GARIN5B: variants seen among roughly 807,000 people sequenced by gnomAD.
The protein encoded by GARIN5B is golgi associated RAB2 interactor family member 5B.
the GARIN5B span, among the ~76,000 whole-genome samples, chr19:55,357,243 C>T: frequency 6.6e-6 from 1 of 152,140 alleles, no homozygotes; most frequent in African/African-American, 2.4e-5. Flanking sequence ...CTCTTGCCCC[C>T]CTACATCCTC....
chr19:55,360,697 G>C, the GARIN5B span: 1 of 1,551,468 alleles, frequency 6.4e-7, no homozygotes, highest in Non-Finnish European at 8.7e-7. Context: ...GCTGGCCTTT[G>C]GAGAGGACTG....
At chr19:55,358,111 C>G in the GARIN5B span, 2 of 1,424,550 alleles carry the variant, frequency 1.4e-6, no homozygotes, top group Non-Finnish European at 1.8e-6. Flanking sequence ...AACAGCAGAG[C>G]TCACAGTAAA....
At chr19:55,357,507 A>G in the GARIN5B span, among the ~76,000 whole-genome samples, 2 of 152,158 alleles carry the variant, frequency 1.3e-5, no homozygotes, top group African/African-American at 4.8e-5. Flanking sequence ...CTTTCCCCCC[A>G]GATGTCCTCA....
At chr19:55,362,083 C>A in the GARIN5B span, among the ~76,000 whole-genome samples, 1 of 151,288 alleles carries the variant, frequency 6.6e-6, no homozygotes, top group Admixed American at 6.6e-5. Flanking sequence ...CCCAGCATCT[C>A]CTCCCTCGAC....
At chr19:55,359,467 A>C in the GARIN5B span, 97,586 of 1,547,406 alleles carry the variant, frequency 0.063, 3,562 homozygotes, top group Middle Eastern at 0.12. Context: ...TCTGGGATGG[A>C]GCAGGTACGG....
the GARIN5B span, chr19:55,359,343 C>T: frequency 2.6e-6 from 4 of 1,549,800 alleles, no homozygotes; most frequent in Non-Finnish European, 3.5e-6. Flanking sequence ...ACAGATGGGG[C>T]CTTCTGAGAT....
the GARIN5B span, among the ~76,000 whole-genome samples, chr19:55,360,140 T>C: frequency 1.2e-5 from 1 of 85,356 alleles, no homozygotes; most frequent in African/African-American, 4.7e-5. Flanking sequence ...CCCTCCTCCC[T>C]CAGACCCAGG....
the GARIN5B span, among the ~76,000 whole-genome samples, chr19:55,356,359 G>A: frequency 6.6e-6 from 1 of 151,912 alleles, no homozygotes; most frequent in Admixed American, 6.6e-5. Flanking sequence ...ACAGGCACAT[G>A]GCACCATGCC....
At chr19:55,358,392 C>T in the GARIN5B span, 2 of 1,506,610 alleles carry the variant, frequency 1.3e-6, no homozygotes, top group East Asian at 2.5e-5. Context: ...GGCCGTAAGT[C>T]CTCCCACGGT....
chr19:55,360,772 G>A, the GARIN5B span: 1 of 1,551,744 alleles, frequency 6.4e-7, no homozygotes, highest in Middle Eastern at 1.7e-4. Context: ...GGTCTTCTCT[G>A]GATGGGGGAG....
At chr19:55,362,621 G>A in the GARIN5B span, 1 of 1,547,364 alleles carries the variant, frequency 6.5e-7, no homozygotes, top group Admixed American at 2.0e-5. Context: ...TCGGCGGGCT[G>A]GCCGATCAGC....
chr19:55,362,551 C>A, the GARIN5B span: 16 of 1,175,938 alleles, frequency 1.4e-5, no homozygotes, highest in Non-Finnish European at 1.3e-5. Context: ...GTGGAGGGGG[C>A]GGCCGAGGGG....
chr19:55,362,444 T>C, the GARIN5B span: 2 of 1,549,892 alleles, frequency 1.3e-6, no homozygotes, highest in Non-Finnish European at 1.7e-6. Context: ...CAGGCGCAGC[T>C]TCAGGCGCCA....
the GARIN5B span, chr19:55,359,293 T>C: frequency 2.6e-6 from 4 of 1,510,250 alleles, no homozygotes; most frequent in Non-Finnish European, 3.5e-6. Flanking sequence ...ATTTCTTCTT[T>C]GGAGCAGTGG....
chr19:55,358,252 AGAC>A, the GARIN5B span: 4 of 1,551,008 alleles, frequency 2.6e-6, no homozygotes, highest in Non-Finnish European at 3.5e-6. Context: ...GAATTTCTGA[AGAC>A]GACCCCACAG....
chr19:55,356,452 A>G, the GARIN5B span, among the ~76,000 whole-genome samples: 3 of 151,714 alleles, frequency 2.0e-5, no homozygotes, highest in Non-Finnish European at 4.4e-5. Context: ...AGCTCACTGC[A>G]ACCCGTCGCC....
the GARIN5B span, chr19:55,358,261 C>T: frequency 6.4e-7 from 1 of 1,551,096 alleles, no homozygotes; most frequent in Non-Finnish European, 8.7e-7. Flanking sequence ...AAGACGACCC[C>T]ACAGTGGCCA....
chr19:55,355,443 A>G, the GARIN5B span: 1 of 1,258,822 alleles, frequency 7.9e-7, no homozygotes, highest in South Asian at 1.3e-5. Context: ...GGCTTAGGAG[A>G]GCGTCCCCCA....
At chr19:55,362,357 C>A in the GARIN5B span, 2 of 1,550,528 alleles carry the variant, frequency 1.3e-6, no homozygotes, top group Non-Finnish European at 1.7e-6. Context: ...GTTGATGAGG[C>A]GGACCCAGCA....
Sources: gnomAD v4.1 joint callset for allele counts (sites outside exome capture counted in the v4.1 genomes callset) on GRCh38, gnomAD v4.1.1 for gene constraint, MANE v1.5 for transcripts, NCBI Gene and HGNC (gene_info 2026-07-23, HGNC 2026-07-21) for gene names.